HERC5: variants seen among roughly 807,000 people sequenced by gnomAD.
The protein encoded by HERC5 is E3 ISG15--protein ligase HERC5.
A neutral mutation model predicts 119.6 loss-of-function variants in HERC5; 99 were observed. The observed-to-expected ratio is 0.83, with a 90% confidence interval of 0.70 to 0.98. The LOEUF (loss-of-function observed/expected upper bound fraction) is 0.98, where lower values mean the gene tolerates loss of function less well. HERC5 is among the 50% of genes least tolerant of loss of function. HERC5 has a pLI of 0.00. For synonymous variants in HERC5, 478 were observed against 445.9 expected (o/e 1.07, Z -0.91); for missense variants, 1,267 against 1,241.3 (o/e 1.02, Z -0.31).
At chr4:88,501,612 C>CT (rs1307574576) in intron 20 of HERC5, among the ~76,000 whole-genome samples, 7 of 151,510 alleles carry the variant, frequency 4.6e-5, no homozygotes, top group East Asian at 1.9e-4. Context: ...ATTTCTTAAT[C>CT]TTTTTTTTTA....
chr4:88,482,178 C>T (rs1463227842), intron 13 of HERC5, among the ~76,000 whole-genome samples: 2 of 151,846 alleles, frequency 1.3e-5, no homozygotes, highest in South Asian at 2.1e-4. Context: ...GGTGTGGTGG[C>T]GTATGCCTGT....
In HERC5 at chr4:88,482,695, G is replaced by T. The variant is rs1002658847; in HGVS notation, c.1737+3188G>T. Reference sequence around the variant, plus strand: ...TGGCCCTGCAGACCCCTTATTCTGGGGGAAGAGGCTTGGCTGGAGGAGAGC... The same window carrying T: ...TGGCCCTGCAGACCCCTTATTCTGGTGGAAGAGGCTTGGCTGGAGGAGAGC... On this transcript the variant is annotated intron_variant, in intron 13 of 22. Transcript: ENST00000264350. Among the ~76,000 whole-genome samples, 3 of 152,314 alleles carry T rather than the reference G, an allele frequency of 2.0e-5. No individual in the cohort carries two copies. The East Asian group carries it at 5.8e-4, about 29-fold the overall frequency.
intron 12 of HERC5, 149 bp downstream of exon 12, chr4:88,476,179 A>G (rs1378765317): frequency 1.7e-6 from 1 of 598,416 alleles, no homozygotes; most frequent in African/African-American, 1.9e-5. Context: ...TATAACAATT[A>G]CCATGGTCAT....
chr4:88,502,983 T>A (rs1246059769), intron 20 of HERC5, among the ~76,000 whole-genome samples: 1 of 152,184 alleles, frequency 6.6e-6, no homozygotes, highest in Non-Finnish European at 1.5e-5. Flanking sequence ...ATGTGTCTTT[T>A]GATTAACCAA....
intron 7 of HERC5, among the ~76,000 whole-genome samples, chr4:88,467,573 C>G (rs576823855): frequency 6.6e-6 from 1 of 152,294 alleles, no homozygotes; most frequent in South Asian, 2.1e-4. Context: ...TCATATAAAA[C>G]CCTCAGAATA....
rs1421286671 is a variant in HERC5, at chr4:88,505,759, A to C, written c.2956A>C (p.Arg986=). The change falls in exon 23 of 23, where the codon AGA becomes CGA. Residue 986 remains arginine, a synonymous_variant. Transcript: ENST00000264350. The part of the protein sequence containing the change: ...TFCCPESWNE[R]DPIRALTCFS... The stretch of plus-strand genomic sequence containing the variant: ...TTGCTGTCCTGAAAGTTGGAATGAA[A>C]GAGACCCTATAAGAGCACTGACATG... 1.9e-6 allele frequency: 3 copies of C among 1,607,532 alleles called. No individual in the cohort carries two copies. The highest frequency in any genetic ancestry group is 2.6e-6 in the Non-Finnish European group (3 of 1,173,996).
intron 12 of HERC5, among the ~76,000 whole-genome samples, chr4:88,476,903 G>A (rs570827787): frequency 6.6e-6 from 1 of 151,428 alleles, no homozygotes; most frequent in Admixed American, 6.6e-5. Context: ...CTGGGCGACA[G>A]AGTGAGACTC....
intron 17 of HERC5, 62 bp from the exon 18 acceptor site, chr4:88,494,103 T>C (rs1741732728): frequency 9.9e-7 from 1 of 1,006,006 alleles, no homozygotes. Flanking sequence ...TTATTTAATA[T>C]AAATATTTCA....
At chr4:88,486,018 GTTTCA>G in intron 13 of HERC5, 92 bp from the exon 14 acceptor site, 1 of 666,764 alleles carries the variant, frequency 1.5e-6, no homozygotes, top group East Asian at 2.8e-5. Flanking sequence ...TTATAAGAGT[GTTTCA>G]TTTATAATTT....
At position 88,462,328 on chromosome 4, in the gene HERC5, T is replaced by C. The variant is rs1322073964; in HGVS notation, c.660T>C (p.Cys220=). ...GNIYSWGKNE[C]GQLGLGHTES... The stretch of plus-strand genomic sequence containing the variant: ...TTTATTCATGGGGAAAAAATGAATG[T>C]GGACAACTAGGCCTGGGCCACACTG... Residue 220 remains cysteine, a synonymous_variant, in exon 4 of 23, where the codon TGT becomes TGC. Transcript: ENST00000264350. The C allele has an allele frequency of 6.2e-7, 1 of 1,614,174 alleles. No individual in the cohort carries two copies. Among genetic ancestry groups the C allele is most frequent in the East Asian group, 2.2e-5 (1 of 44,890 alleles).
intron 8 of HERC5, 24 bp downstream of exon 8, chr4:88,468,446 C>G: frequency 4.1e-6 from 6 of 1,480,586 alleles, no homozygotes; most frequent in Non-Finnish European, 5.6e-6. Context: ...TCCAGGTGTT[C>G]TATAACCTGG....
At chr4:88,464,839 C>T (rs1249201443) in intron 6 of HERC5, among the ~76,000 whole-genome samples, 5 of 152,258 alleles carry the variant, frequency 3.3e-5, no homozygotes, top group East Asian at 3.9e-4. Context: ...GGCGCAATCT[C>T]GGCTCACTGC....
intron 16 of HERC5, among the ~76,000 whole-genome samples, chr4:88,491,277 A>G (rs1741631009): frequency 6.6e-6 from 1 of 152,216 alleles, no homozygotes. Flanking sequence ...GGATGCTAGT[A>G]TAACATCTGG....
intron 20 of HERC5, among the ~76,000 whole-genome samples, 165 bp from the exon 21 acceptor site, chr4:88,504,066 CA>C (rs1301930381): frequency 0.04 from 4,570 of 113,444 alleles, 186 homozygotes; most frequent in African/African-American, 0.13. Flanking sequence ...GACTCCGTCT[CA>C]AAAAAAAAAA....
chr4:88,468,708 C>T (rs1430105048), intron 8 of HERC5, among the ~76,000 whole-genome samples: 5 of 152,180 alleles, frequency 3.3e-5, no homozygotes, highest in African/African-American at 1.2e-4. Flanking sequence ...TTGCAAACAA[C>T]AGAGTGACAG....
chr4:88,464,211 A>G (rs1414587765), intron 6 of HERC5, among the ~76,000 whole-genome samples: 1 of 137,310 alleles, frequency 7.3e-6, no homozygotes, highest in Non-Finnish European at 1.5e-5. Flanking sequence ...GATACAATTC[A>G]CTTTCTGCTG....
At chr4:88,472,935 T>TG (rs1367571047) in intron 11 of HERC5, 1 of 153,758 alleles carries the variant, frequency 6.5e-6, no homozygotes, top group African/African-American at 2.4e-5. Flanking sequence ...TTTTTTTTTT[T>TG]TTTCCATTCT....
At position 88,457,168 on chromosome 4, in the gene HERC5, T is replaced by C. The variant is rs1740171444; in HGVS notation, c.-102T>C. 2 of 1,235,892 alleles carry C rather than the reference T, an allele frequency of 1.6e-6. No homozygotes were observed. Among genetic ancestry groups the C allele is most frequent in the Non-Finnish European group, 1.0e-6 (1 of 989,274 alleles). The allele number at this position is 1,235,892 out of a possible 1,614,324, so 76.6% of individuals were successfully genotyped here. Reference sequence around the variant, plus strand: ...ACGCCACGCAGCTGCGCGCAGCTGGTTCCCGCTCTGCAGCGCAACGCCTGA... The same window carrying C: ...ACGCCACGCAGCTGCGCGCAGCTGGCTCCCGCTCTGCAGCGCAACGCCTGA... On this transcript the variant is annotated 5_prime_UTR_variant, in exon 1 of 23. Transcript: ENST00000264350.
chr4:88,458,219 C>A (rs1740255843), intron 1 of HERC5: 2 of 342,830 alleles, frequency 5.8e-6, no homozygotes, highest in South Asian at 1.2e-4. Flanking sequence ...TTTTGCACGT[C>A]GTACATGTAA....
Sources: gnomAD v4.1 joint callset for allele counts (sites outside exome capture counted in the v4.1 genomes callset) on GRCh38, gnomAD v4.1.1 for gene constraint, MANE v1.5 for transcripts, NCBI Gene and HGNC (gene_info 2026-07-23, HGNC 2026-07-21) for gene names.